Variants in ARMC9 observed in about 807,000 individuals in gnomAD.
The protein encoded by ARMC9 is armadillo repeat containing 9.
In ARMC9, 94 loss-of-function variants were observed where a neutral mutation model predicts 107.0. The observed-to-expected ratio is 0.88, with a 90% confidence interval of 0.74 to 1.04. The LOEUF (loss-of-function observed/expected upper bound fraction) is 1.04. Ranked by LOEUF, ARMC9 falls within the 50% of genes least tolerant of loss-of-function variation. The pLI, the probability that ARMC9 is intolerant of heterozygous loss-of-function variation, is 0.00. For missense variants in ARMC9, 942 were observed against 1,030.1 expected, an observed-to-expected ratio of 0.91 and a Z score of 1.17; for synonymous variants, 380 against 396.9, an observed-to-expected ratio of 0.96 and a Z score of 0.51.
At chr2:231,288,123 A>G (rs901220790) in intron 17 of ARMC9, among the ~76,000 whole-genome samples, 7 of 152,206 alleles carry the variant, frequency 4.6e-5, no homozygotes, top group Non-Finnish European at 7.3e-5. Flanking sequence ...CTCATAATAT[A>G]TTTAGAAGAT....
chr2:231,361,797 G>C (rs2045596741), intron 23 of ARMC9, among the ~76,000 whole-genome samples: 3 of 152,168 alleles, frequency 2.0e-5, no homozygotes, highest in Admixed American at 6.5e-5. Context: ...AGTTCTGGGG[G>C]CCCCCGGAGA....
In ARMC9 at chr2:231,331,794, A is replaced by G. The variant is rs776074374; in HGVS notation, c.1775A>G (p.Glu592Gly). ...SDDDEDEDDE[E>G]DHDIMEADLD... ...TTCACCCCATGTCTCCTGAAACAGGAGGACCATGACATCATGGAAGCCGAT... is the reference window on the plus strand; with the variant it reads ...TTCACCCCATGTCTCCTGAAACAGGGGGACCATGACATCATGGAAGCCGAT... Residue 592 changes from glutamate (E) to glycine (G), a missense_variant and splice_region_variant, in exon 20 of 25, where the codon GAG becomes GGG. Physicochemically the swap from Glu to Gly is moderately conservative, Grantham distance 98 (BLOSUM62 -2). Transcript: ENST00000611582. 6.2e-7 allele frequency: 1 copy of G among 1,613,678 alleles called. No individual in the cohort carries two copies. The highest frequency in any genetic ancestry group is 1.7e-5 in the Admixed American group (1 of 60,002).
chr2:231,226,718 T>G, intron 6 of ARMC9, 56 bp from the exon 7 acceptor site: 1 of 1,585,572 alleles, frequency 6.3e-7, no homozygotes. Flanking sequence ...GGATGTCCGA[T>G]ACCCCAAGTA....
intron 19 of ARMC9, among the ~76,000 whole-genome samples, chr2:231,302,493 A>G (rs1320798165): frequency 1.4e-5 from 2 of 146,340 alleles, no homozygotes; most frequent in Non-Finnish European, 3.0e-5. Context: ...GATCAGAAAA[A>G]CACAGTTTGA....
intron 17 of ARMC9, among the ~76,000 whole-genome samples, chr2:231,286,726 A>G (rs770481193): frequency 1.8e-4 from 27 of 152,384 alleles, no homozygotes; most frequent in Non-Finnish European, 2.4e-4. Context: ...AATTTATTTT[A>G]CTGTATAATG....
At chr2:231,244,859 AGAG>A (rs1221816568) in intron 9 of ARMC9, among the ~76,000 whole-genome samples, 1 of 152,266 alleles carries the variant, frequency 6.6e-6, no homozygotes, top group Non-Finnish European at 1.5e-5. Flanking sequence ...CCAAAGCAGA[AGAG>A]GACAGGCAGG....
intron 21 of ARMC9, among the ~76,000 whole-genome samples, chr2:231,345,354 A>T (rs1169547163): frequency 6.6e-6 from 1 of 152,152 alleles, no homozygotes; most frequent in Non-Finnish European, 1.5e-5. Flanking sequence ...GAGTAATTTC[A>T]AAAGAAGGGA....
chr2:231,275,799 C>CA (rs2125441892), intron 14 of ARMC9, among the ~76,000 whole-genome samples: 1 of 152,230 alleles, frequency 6.6e-6, no homozygotes, highest in South Asian at 2.1e-4. Context: ...ACTAAAAATA[C>CA]AAAATTAGCT....
chr2:231,296,507 C>T (rs1375743858), intron 19 of ARMC9, among the ~76,000 whole-genome samples: 2 of 152,198 alleles, frequency 1.3e-5, no homozygotes, highest in Non-Finnish European at 2.9e-5. Flanking sequence ...CATTGCATGT[C>T]ATTCGAGTTT....
chr2:231,361,154 C>T (rs1404588075), intron 23 of ARMC9, among the ~76,000 whole-genome samples: 1 of 152,206 alleles, frequency 6.6e-6, no homozygotes, highest in East Asian at 1.9e-4. Flanking sequence ...TTCAAAACTG[C>T]CAGGCGGACT....
At chr2:231,200,453 G>A (rs1453086052) in intron 1 of ARMC9, among the ~76,000 whole-genome samples, 2 of 152,070 alleles carry the variant, frequency 1.3e-5, no homozygotes, top group East Asian at 3.9e-4. Context: ...TGGGTGAATC[G>A]CTTGAGGTCA....
rs373592070 is a variant in ARMC9 at position 231,351,839 on chromosome 2, A to T, written c.1995-3959A>T. Among the ~76,000 whole-genome samples the T allele has an allele frequency of 2.8e-4, 42 of 152,268 alleles. No individual in the cohort carries two copies. The South Asian group carries it at 8.3e-3, about 30-fold the overall frequency. On this transcript the variant is annotated intron_variant, in intron 21 of 24. Coordinates refer to ENST00000611582, the MANE Select transcript of ARMC9 (RefSeq NM_001352754.2). Reference sequence around the variant, plus strand: ...AATATTCGTAACTAAAACAAAAAAAAATTATGACCCTCCCTTCACCACCAG... The same window carrying T: ...AATATTCGTAACTAAAACAAAAAAATATTATGACCCTCCCTTCACCACCAG...
chr2:231,260,029 A>T (rs2038189669), intron 11 of ARMC9, among the ~76,000 whole-genome samples: 1 of 152,218 alleles, frequency 6.6e-6, no homozygotes, highest in South Asian at 2.1e-4. Context: ...AAGATTTGAA[A>T]TATATGTTTA....
At chr2:231,285,263 A>T (rs1424654766) in intron 17 of ARMC9, among the ~76,000 whole-genome samples, 1 of 152,128 alleles carries the variant, frequency 6.6e-6, no homozygotes, top group African/African-American at 2.4e-5. Flanking sequence ...CAGATCTGTT[A>T]ATATTTTCCT....
At chr2:231,226,358 A>G (rs545942472) in intron 6 of ARMC9, among the ~76,000 whole-genome samples, 1 of 152,338 alleles carries the variant, frequency 6.6e-6, no homozygotes, top group South Asian at 2.1e-4. Context: ...ATACTGTGCT[A>G]TGCTGTTTTC....
intron 18 of ARMC9, among the ~76,000 whole-genome samples, chr2:231,292,171 A>C (rs2041054540): frequency 6.6e-6 from 1 of 151,764 alleles, no homozygotes; most frequent in Non-Finnish European, 1.5e-5. Flanking sequence ...CCTTCTCAAA[A>C]AAAAAAAAAA....
At chr2:231,279,071 C>CT (rs1032155990) in intron 16 of ARMC9, among the ~76,000 whole-genome samples, 58 of 152,322 alleles carry the variant, frequency 3.8e-4, no homozygotes, top group African/African-American at 1.4e-3. Flanking sequence ...GCACCTGCCC[C>CT]ATGGGAGCCT....
At position 231,272,931 on chromosome 2, in the gene ARMC9, G is replaced by C. The variant is rs770496261; in HGVS notation, c.1211-24G>C. ...GATAAATTATTTCTGTCTTTCACCT[G>C]TTTCATCTCTGGTGTATTATCAGGT... On this transcript the variant is annotated intron_variant, in intron 13 of 24. Coordinates refer to ENST00000611582, the MANE Select transcript of ARMC9 (RefSeq NM_001352754.2). 7 of 1,604,176 alleles carry C rather than the reference G, an allele frequency of 4.4e-6. No homozygotes were observed. In the African/African-American group the frequency reaches 9.4e-5, roughly 22 times the overall value.
chr2:231,306,678 A>C (rs915566377), intron 19 of ARMC9, among the ~76,000 whole-genome samples: 1 of 152,146 alleles, frequency 6.6e-6, no homozygotes, highest in Non-Finnish European at 1.5e-5. Flanking sequence ...TGAACAAGAT[A>C]GGAACAAGCT....
Sources: allele counts gnomAD v4.1 joint callset (sites outside exome capture counted in the v4.1 genomes callset), GRCh38; gene constraint gnomAD v4.1.1; transcripts MANE v1.5; gene names NCBI Gene and HGNC (gene_info 2026-07-23, HGNC 2026-07-21).